NAV2: variants seen among roughly 807,000 people sequenced by gnomAD.
NAV2 encodes helicase, APC down-regulated 1.
NAV2 carries 54 observed loss-of-function variants against 223.2 expected under a neutral mutation model. The observed-to-expected ratio is 0.24, with a 90% CI of 0.19 to 0.30. The LOEUF (loss-of-function observed/expected upper bound fraction) is 0.30, where lower values mean the gene tolerates loss of function less well. Ranked by LOEUF, NAV2 falls within the 10% of genes least tolerant of loss-of-function variation. The probability of loss-of-function intolerance (pLI) is 1.00; values close to 1 mark genes in which losing one functional copy is unlikely to be tolerated. For missense variants in NAV2, 2,806 were observed against 3,147.5 expected (o/e 0.89, Z 2.60); for synonymous variants, 1,279 against 1,239.3 (o/e 1.03, Z -0.67).
At chr11:19,448,368 T>C (rs190332003) in intron 1 of NAV2, among the ~76,000 whole-genome samples, 1 of 152,342 alleles carries the variant, frequency 6.6e-6, no homozygotes, top group East Asian at 1.9e-4. Flanking sequence ...CCTTTCAAAC[T>C]AGACCAGGTT....
chr11:20,054,088 C>T lies in NAV2; in HGVS notation c.4490C>T (p.Pro1497Leu). 1.9e-6 allele frequency: 3 copies of T among 1,612,196 alleles called. No individual in the cohort carries two copies. The highest frequency in any genetic ancestry group is 1.7e-5 in the Admixed American group (1 of 59,306). Reference sequence around the variant, plus strand: ...GATTTCTGTCTGTCCAGGTATACTCCCACCTCCCAGCTTCGCACGCAAGAA... The same window carrying T: ...GATTTCTGTCTGTCCAGGTATACTCTCACCTCCCAGCTTCGCACGCAAGAA... ...TLPKKGLRYT[P>L]TSQLRTQEDA... The change falls in exon 18 of 38, where the codon CCC (proline) becomes CTC (leucine). Residue 1497 changes from proline to leucine, a missense_variant. Pro to Leu is a moderately conservative substitution (Grantham distance 98). Coordinates refer to ENST00000349880, the MANE Select transcript of NAV2 (RefSeq NM_145117.5).
intron 1 of NAV2, among the ~76,000 whole-genome samples, chr11:19,370,168 C>T (rs996414693): frequency 6.6e-6 from 1 of 152,204 alleles, no homozygotes; most frequent in Non-Finnish European, 1.5e-5. Context: ...TTGTGCCAGT[C>T]ACCCCTGCGA....
At chr11:19,512,349 G>T (rs2043305713) in intron 1 of NAV2, among the ~76,000 whole-genome samples, 1 of 152,226 alleles carries the variant, frequency 6.6e-6, no homozygotes, top group Non-Finnish European at 1.5e-5. Flanking sequence ...GGCTTAATTA[G>T]AGACAGAGAC....
chr11:20,115,631 CAAAAAA>C (rs386373266), intron 37 of NAV2, among the ~76,000 whole-genome samples: 7 of 47,874 alleles, frequency 1.5e-4, no homozygotes, highest in African/African-American at 4.8e-4. Flanking sequence ...GACTCCGTCT[CAAAAAA>C]AAAAAAAAAA....
At chr11:19,878,434 G>A (rs1377475484) in intron 4 of NAV2, among the ~76,000 whole-genome samples, 1 of 152,184 alleles carries the variant, frequency 6.6e-6, no homozygotes, top group Non-Finnish European at 1.5e-5. Flanking sequence ...AGCGGTGTCC[G>A]TATTGCCCTT....
chr11:19,431,137 T>G (rs1344752931), intron 1 of NAV2, among the ~76,000 whole-genome samples: 2 of 152,260 alleles, frequency 1.3e-5, no homozygotes, highest in Non-Finnish European at 2.9e-5. Context: ...TAGTTTCCAC[T>G]GCTGTCCCTC....
intron 1 of NAV2, among the ~76,000 whole-genome samples, chr11:19,509,744 G>T (rs1345692719): frequency 6.6e-6 from 1 of 152,100 alleles, no homozygotes; most frequent in African/African-American, 2.4e-5. Flanking sequence ...TAGAATCACT[G>T]CCCCTAAAAC....
intron 1 of NAV2, among the ~76,000 whole-genome samples, chr11:19,364,905 G>A (rs1160881291): frequency 6.6e-6 from 1 of 152,198 alleles, no homozygotes; most frequent in Non-Finnish European, 1.5e-5. Context: ...ACTATGCAAA[G>A]CTAGGTTTAC....
At chr11:19,992,347 A>G (rs2051421883) in intron 11 of NAV2, among the ~76,000 whole-genome samples, 1 of 152,208 alleles carries the variant, frequency 6.6e-6, no homozygotes, top group Non-Finnish European at 1.5e-5. Context: ...TGTAACTTAA[A>G]CCACAGAGGA....
In NAV2 at chr11:19,933,837, G is replaced by C. The variant is rs765537926; in HGVS notation, c.1593G>C (p.Glu531Asp). 9.3e-6 allele frequency: 15 copies of C among 1,608,920 alleles called. No individual in the cohort carries two copies. Among genetic ancestry groups the C allele is most frequent in the Non-Finnish European group, 1.3e-5 (15 of 1,178,630 alleles). Residue 531 changes from glutamate (E) to aspartate (D), a missense_variant, in exon 7 of 38, where the codon GAG (glutamate) becomes GAC (aspartate). Around this residue, in one of 4 missense-constraint regions of NAV2, gnomAD observed 1,167 missense variants for 1,180.5 expected, o/e 0.99. Coordinates refer to ENST00000349880, the MANE Select transcript of NAV2 (RefSeq NM_145117.5). This position sits in a 1 kb window ranked among gnomAD's most constrained non-coding sequence, Gnocchi z 4.3. ...ACCCCAGTGGAGCAGCTGTGCCCGA[G>C]ATGCCAAAAAAGTCCTCCAAGATTG... ...KEDPSGAAVPEMPKKSSKIAS... is the reference protein window; with the variant it reads ...KEDPSGAAVPDMPKKSSKIAS...
At position 19,934,279 on chromosome 11, in the gene NAV2, T is replaced by C. The variant is rs1217720383; in HGVS notation, c.2033+2T>C. The C allele has an allele frequency of 1.9e-6, 3 of 1,569,024 alleles. No homozygotes were observed. Among genetic ancestry groups the C allele is most frequent in the Non-Finnish European group, 2.6e-6 (3 of 1,156,200 alleles). ...CACGGTTGCACCTTTCCTGTACAGG[T>C]AGGAGCTGCCACCCACCTGTGCTGC... is the stretch of plus-strand genomic sequence containing the variant. On this transcript the variant is annotated splice_donor_variant, in intron 7 of 37. Coordinates refer to ENST00000349880, the MANE Select transcript of NAV2 (RefSeq NM_145117.5). LOFTEE classifies it high-confidence loss of function.
At chr11:19,630,796 A>C (rs1163594446) in intron 1 of NAV2, among the ~76,000 whole-genome samples, 1 of 151,882 alleles carries the variant, frequency 6.6e-6, no homozygotes, top group Non-Finnish European at 1.5e-5. Flanking sequence ...GGATTGCTTG[A>C]GCCTGGGAGG....
intron 1 of NAV2, among the ~76,000 whole-genome samples, chr11:19,492,341 T>C (rs1340591694): frequency 6.6e-6 from 1 of 151,914 alleles, no homozygotes; most frequent in Non-Finnish European, 1.5e-5. Context: ...TGAAACAAGG[T>C]ATGCCACTAT....
In NAV2 at chr11:19,713,660, A is replaced by T; in HGVS notation, c.-36A>T. On this transcript the variant is annotated 5_prime_UTR_variant, in exon 1 of 38. Transcript: ENST00000349880. This position sits in a 1 kb window ranked among gnomAD's most constrained non-coding sequence, Gnocchi z 7.2. ...AGCGGTCGCCCCCGCCGCCGCTGCC[A>T]GGGACGTGCTGGGAAAGCCCAAGCC... 6.6e-7 allele frequency: 1 copy of T among 1,504,516 alleles called. No individual in the cohort carries two copies. Among genetic ancestry groups the T allele is most frequent in the Non-Finnish European group, 8.9e-7 (1 of 1,125,768 alleles). The allele number at this position is 1,504,516 out of a possible 1,614,324, so 93.2% of individuals were successfully genotyped here. A position where few individuals can be genotyped will look rare whatever the true frequency, so the allele number is the denominator to read the frequency against.
At chr11:19,484,910 T>A (rs926595360) in intron 1 of NAV2, among the ~76,000 whole-genome samples, 2 of 152,190 alleles carry the variant, frequency 1.3e-5, no homozygotes, top group African/African-American at 4.8e-5. Flanking sequence ...GGGAGGACCC[T>A]GTGTGGTGAA....
At chr11:19,828,654 A>ATGACGGCTCACTGCAGCCTTGACCTAC (rs1565387066) in intron 1 of NAV2, among the ~76,000 whole-genome samples, 1 of 146,798 alleles carries the variant, frequency 6.8e-6, no homozygotes, top group African/African-American at 2.5e-5. Context: ...ACACCCGGCT[A>ATGACGGCTCACTGCAGCCTTGACCTAC]ATTTTTTGTG....
At chr11:19,704,942 C>T (rs1270956582) in intron 1 of NAV2, among the ~76,000 whole-genome samples, 1 of 144,130 alleles carries the variant, frequency 6.9e-6, no homozygotes, top group Non-Finnish European at 1.5e-5. Flanking sequence ...ACCCGGGAGG[C>T]GGAGCTTGCT....
At chr11:19,902,897 C>T (rs2042567229) in intron 6 of NAV2, among the ~76,000 whole-genome samples, 1 of 147,946 alleles carries the variant, frequency 6.8e-6, no homozygotes, top group Non-Finnish European at 1.5e-5. Context: ...TTTCTGTGAG[C>T]ATATGTAGCC....
chr11:19,619,935 G>T (rs2046932711), intron 1 of NAV2, among the ~76,000 whole-genome samples: 1 of 152,146 alleles, frequency 6.6e-6, no homozygotes. Context: ...ATTAATTTTT[G>T]TATAAGGTGT....
Sources: allele counts gnomAD v4.1 joint callset (sites outside exome capture counted in the v4.1 genomes callset), GRCh38; gene constraint gnomAD v4.1.1; regional missense constraint gnomAD v4.1.1; non-coding constraint Gnocchi (gnomAD v3.1); transcripts MANE v1.5; gene names NCBI Gene and HGNC (gene_info 2026-07-23, HGNC 2026-07-21).